Variants in PTPRR observed in about 807,000 individuals in gnomAD.
PTPRR encodes receptor-type tyrosine-protein phosphatase R.
PTPRR carries 38 observed loss-of-function variants against 77.2 expected under a neutral mutation model. The observed-to-expected ratio is 0.49, with a 90% confidence interval of 0.38 to 0.65. PTPRR has a LOEUF of 0.65. Among genes scored for constraint, PTPRR ranks in the 30% least tolerant of loss-of-function variants. PTPRR has a pLI of 0.00. For missense variants in PTPRR, 744 were observed against 799.2 expected (o/e 0.93, Z 0.83); for synonymous variants, 299 against 283.1 (o/e 1.06, Z -0.57).
At chr12:70,905,587 A>G (rs919278718) in intron 1 of PTPRR, among the ~76,000 whole-genome samples, 3 of 152,004 alleles carry the variant, frequency 2.0e-5, no homozygotes, top group Non-Finnish European at 4.4e-5. Flanking sequence ...CATTCTGGGT[A>G]TGACCTTGGT....
intron 12 of PTPRR, among the ~76,000 whole-genome samples, chr12:70,658,883 G>GTTTTTTTTTTTTTTTTTTTTTTTTTT (rs746595856): frequency 5.4e-5 from 2 of 36,936 alleles, no homozygotes; most frequent in Non-Finnish European, 4.8e-5. Flanking sequence ...TTTTGCTCTA[G>GTTTTTTTTTTTTTTTTTTTTTTTTTT]TTTTTTTTTT....
At chr12:70,681,103 G>A (rs1328370054) in intron 10 of PTPRR, among the ~76,000 whole-genome samples, 1 of 152,102 alleles carries the variant, frequency 6.6e-6, no homozygotes, top group Non-Finnish European at 1.5e-5. Flanking sequence ...GTGAAAGGTG[G>A]AACACCTCCT....
intron 2 of PTPRR, among the ~76,000 whole-genome samples, chr12:70,782,890 G>A (rs1006747854): frequency 2.0e-5 from 3 of 152,060 alleles, no homozygotes; most frequent in Non-Finnish European, 4.4e-5. Flanking sequence ...GTTAAGATAG[G>A]GGTTAGTAAG....
At position 70,761,576 on chromosome 12, in the gene PTPRR, T is replaced by C; in HGVS notation, c.522A>G (p.Thr174=). 6.2e-7 allele frequency: 1 copy of C among 1,612,176 alleles called. No homozygotes were observed. Among genetic ancestry groups the C allele is most frequent in the Non-Finnish European group, 8.5e-7 (1 of 1,178,842 alleles). Residue 174 remains threonine, a synonymous_variant, in exon 4 of 14, where the codon ACA becomes ACG. Transcript: ENST00000283228. ...ELFVSPINRK[T]GISDALPSEE... Reference sequence around the variant, plus strand: ...CAGAGGGCAGAGCATCAGAAATTCCTGTTTTTCGGTTTATGGGAGACACAA... The same window carrying C: ...CAGAGGGCAGAGCATCAGAAATTCCCGTTTTTCGGTTTATGGGAGACACAA...
intron 8 of PTPRR, among the ~76,000 whole-genome samples, chr12:70,691,205 T>A (rs1281426873): frequency 6.6e-6 from 1 of 152,164 alleles, no homozygotes; most frequent in Non-Finnish European, 1.5e-5. Flanking sequence ...AGACTGCCCT[T>A]GCTAAGGTCA....
At chr12:70,692,981 T>C (rs1263627751) in intron 8 of PTPRR, among the ~76,000 whole-genome samples, 2 of 152,198 alleles carry the variant, frequency 1.3e-5, no homozygotes, top group African/African-American at 2.4e-5. Flanking sequence ...CAGAATTAAT[T>C]TCTATGAGAA....
chr12:70,856,845 G>T (rs552131033), intron 2 of PTPRR, among the ~76,000 whole-genome samples: 1 of 151,664 alleles, frequency 6.6e-6, no homozygotes, highest in African/African-American at 2.4e-5. Context: ...GGGGGAGAGA[G>T]GGGGAGAGAG....
At chr12:70,672,626 G>A (rs1555248011) in intron 10 of PTPRR, 2 of 1,511,908 alleles carry the variant, frequency 1.3e-6, no homozygotes, top group Non-Finnish European at 1.8e-6. Context: ...AAGACCTGCT[G>A]CCAAGTGAAT....
chr12:70,826,344 G>C (rs953669578), intron 2 of PTPRR, among the ~76,000 whole-genome samples: 2 of 152,150 alleles, frequency 1.3e-5, no homozygotes, highest in Non-Finnish European at 2.9e-5. Flanking sequence ...GGAAGGGCTG[G>C]GCATTTACAC....
chr12:70,849,598 A>T (rs917245698), intron 2 of PTPRR, among the ~76,000 whole-genome samples: 2 of 152,234 alleles, frequency 1.3e-5, no homozygotes, highest in Non-Finnish European at 1.5e-5. Context: ...TTTTGTTTTT[A>T]CATTATAATT....
chr12:70,652,861 C>A (rs1886445584), intron 13 of PTPRR, among the ~76,000 whole-genome samples: 1 of 152,028 alleles, frequency 6.6e-6, no homozygotes, highest in Non-Finnish European at 1.5e-5. Flanking sequence ...GAAGTGGAAC[C>A]CAAGGTGGAG....
intron 6 of PTPRR, among the ~76,000 whole-genome samples, chr12:70,739,538 T>A (rs1889979400): frequency 6.6e-6 from 1 of 152,214 alleles, no homozygotes; most frequent in Non-Finnish European, 1.5e-5. Context: ...TTTTGAGTGT[T>A]TACTATGTAC....
intron 2 of PTPRR, among the ~76,000 whole-genome samples, chr12:70,794,336 G>C (rs1891472537): frequency 6.6e-6 from 1 of 152,270 alleles, no homozygotes; most frequent in South Asian, 2.1e-4. Flanking sequence ...AGGCCTATGA[G>C]CTAGAAATAG....
Position 70,639,184 on chromosome 12 carries a change from T to A in PTPRR, c.1974A>T (p.Ter658CysextTer36). The A allele has an allele frequency of 1.9e-6, 3 of 1,612,154 alleles. No homozygotes were observed. Among genetic ancestry groups the A allele is most frequent in the Non-Finnish European group, 2.5e-6 (3 of 1,179,298 alleles). The change falls in exon 14 of 14, where the codon TGA becomes TGT. Residue 658 changes from the stop codon to cysteine (C), a stop_lost. Transcript: ENST00000283228. ...GATGGTCTGACAAGTCTTCAATGACTCACTGGACAGTCTCTGCTGAAAGTC... is the reference window on the plus strand; with the variant it reads ...GATGGTCTGACAAGTCTTCAATGACACACTGGACAGTCTCTGCTGAAAGTC... ...ESRLSAETVQ[*>C]
rs567109334 is a variant in PTPRR at position 70,685,231 on chromosome 12, A to G, written c.1280-448T>C. Among the ~76,000 whole-genome samples, 3 of 152,190 alleles carry G rather than the reference A, an allele frequency of 2.0e-5. No homozygotes were observed. In the South Asian group the frequency reaches 6.2e-4, roughly 32 times the overall value. ...CTGAACCTCACCTTGTCTGACCATTATGTCCTGGCCAGATCTCCTGATCTT... is the reference window on the plus strand; with the variant it reads ...CTGAACCTCACCTTGTCTGACCATTGTGTCCTGGCCAGATCTCCTGATCTT... On this transcript the variant is annotated intron_variant, in intron 8 of 13. Transcript: ENST00000283228.
At chr12:70,651,155 G>A (rs1472833682) in intron 13 of PTPRR, among the ~76,000 whole-genome samples, 1 of 152,170 alleles carries the variant, frequency 6.6e-6, no homozygotes, top group East Asian at 1.9e-4. Flanking sequence ...TTGATTGAAG[G>A]ACCTCGCCAT....
intron 2 of PTPRR, among the ~76,000 whole-genome samples, chr12:70,863,527 G>A (rs973974029): frequency 3.3e-5 from 5 of 151,968 alleles, no homozygotes; most frequent in African/African-American, 1.2e-4. Flanking sequence ...TACTTTGAAG[G>A]TAACCATTCT....
chr12:70,829,833 A>G (rs1029668363), intron 2 of PTPRR, among the ~76,000 whole-genome samples: 4 of 152,188 alleles, frequency 2.6e-5, no homozygotes, highest in African/African-American at 4.8e-5. Context: ...CTATGAGGTT[A>G]TAAGAACTAG....
chr12:70,661,538 C>T (rs1323962887), intron 11 of PTPRR, among the ~76,000 whole-genome samples: 1 of 152,108 alleles, frequency 6.6e-6, no homozygotes, highest in East Asian at 1.9e-4. Context: ...AATACTTCTA[C>T]ACTCATCCAA....
Sources: gnomAD v4.1 joint callset for allele counts (sites outside exome capture counted in the v4.1 genomes callset) on GRCh38, gnomAD v4.1.1 for gene constraint, MANE v1.5 for transcripts, NCBI Gene and HGNC (gene_info 2026-07-23, HGNC 2026-07-21) for gene names.